DGKB: variants seen among roughly 807,000 people sequenced by gnomAD.
DGKB encodes the protein diacylglycerol kinase beta, also known as 90 kDa diacylglycerol kinase.
In DGKB, 67 loss-of-function variants were observed where a neutral mutation model predicts 114.3. The ratio of observed to expected loss-of-function variants is 0.59; its 90% confidence interval spans 0.48 to 0.72. DGKB has a LOEUF of 0.72. DGKB is among the 30% of genes least tolerant of loss of function. The pLI is 0.00. For synonymous variants in DGKB, 398 were observed against 323.1 expected, an observed-to-expected ratio of 1.23 and a Z score of -2.49; for missense variants, 907 against 975.2, an observed-to-expected ratio of 0.93 and a Z score of 0.93.
At chr7:14,858,383 C>T (rs1850488584) in intron 1 of DGKB, among the ~76,000 whole-genome samples, 2 of 152,054 alleles carry the variant, frequency 1.3e-5, no homozygotes, top group Admixed American at 6.6e-5. Context: ...ATACTTTTCT[C>T]TTACTTATTT....
chr7:14,934,244 T>A (rs999948998), intron 1 of DGKB, among the ~76,000 whole-genome samples: 2 of 152,186 alleles, frequency 1.3e-5, no homozygotes, highest in African/African-American at 2.4e-5. Context: ...TTCACTAATA[T>A]CCAAAATTAC....
intron 23 of DGKB, among the ~76,000 whole-genome samples, chr7:14,193,034 T>A (rs557888454): frequency 6.6e-6 from 1 of 152,196 alleles, no homozygotes; most frequent in East Asian, 1.9e-4. Flanking sequence ...ATGCGAGTGA[T>A]GGGGAGCAGC....
At chr7:14,566,567 C>G (rs112764890) in intron 20 of DGKB, among the ~76,000 whole-genome samples, 5 of 152,120 alleles carry the variant, frequency 3.3e-5, no homozygotes, top group African/African-American at 4.8e-5. Context: ...GCAAATGGAT[C>G]GGGTTACCTC....
chr7:14,838,121 C>T (rs903897484), intron 2 of DGKB, among the ~76,000 whole-genome samples: 1 of 152,058 alleles, frequency 6.6e-6, no homozygotes, highest in Admixed American at 6.6e-5. Flanking sequence ...TTTATTACCA[C>T]TTGTTTTAGG....
In DGKB at chr7:14,327,308, A is replaced by G. The variant is rs538003015; in HGVS notation, c.2122+11207T>C. On this transcript the variant is annotated intron_variant, in intron 23 of 25. Transcript: ENST00000402815. ...AGAAGACAAACAGCAGAAATGAGAA[A>G]CAAAAAAAAGCAAACAGAAATTTAA... 2.0e-5 allele frequency among the ~76,000 whole-genome samples: 3 copies of G among 152,288 alleles called. No individual in the cohort carries two copies. In the East Asian group the frequency reaches 5.8e-4, roughly 29 times the overall value.
intron 20 of DGKB, among the ~76,000 whole-genome samples, chr7:14,553,865 CTTTT>C (rs58879064): frequency 1.4e-5 from 1 of 71,224 alleles, no homozygotes. Context: ...CCTTTACATG[CTTTT>C]TTTTTTTTTT....
chr7:14,912,213 A>C (rs1460670719), intron 1 of DGKB, among the ~76,000 whole-genome samples: 1 of 152,218 alleles, frequency 6.6e-6, no homozygotes, highest in Non-Finnish European at 1.5e-5. Flanking sequence ...GATAAATTCC[A>C]CAAGAAACAT....
intron 21 of DGKB, among the ~76,000 whole-genome samples, chr7:14,450,284 T>A (rs1357232755): frequency 1.3e-5 from 2 of 152,144 alleles, no homozygotes; most frequent in African/African-American, 4.8e-5. Flanking sequence ...GTCCAGGTAA[T>A]AATCTAAAGA....
chr7:14,549,089 C>G (rs199940954), intron 20 of DGKB, among the ~76,000 whole-genome samples: 1 of 151,636 alleles, frequency 6.6e-6, no homozygotes, highest in East Asian at 2.0e-4. Context: ...TAGAAAATCT[C>G]TTGAAAGTGA....
At chr7:14,307,808 A>C (rs1804736939) in intron 23 of DGKB, among the ~76,000 whole-genome samples, 1 of 152,170 alleles carries the variant, frequency 6.6e-6, no homozygotes, top group Admixed American at 6.6e-5. Context: ...TGTCTTAGTC[A>C]AAATCTCATA....
intron 23 of DGKB, among the ~76,000 whole-genome samples, chr7:14,284,464 G>C (rs1800502870): frequency 6.9e-6 from 1 of 145,258 alleles, no homozygotes; most frequent in Non-Finnish European, 1.5e-5. Flanking sequence ...GATTCCTCAG[G>C]GATCTAGAAC....
At chr7:14,226,768 A>T (rs1217218850) in intron 23 of DGKB, among the ~76,000 whole-genome samples, 1 of 152,096 alleles carries the variant, frequency 6.6e-6, no homozygotes, top group Admixed American at 6.6e-5. Flanking sequence ...GAAATGAATC[A>T]ATTATATAAC....
chr7:14,557,733 A>T (rs1434636265), intron 20 of DGKB, among the ~76,000 whole-genome samples: 1 of 151,888 alleles, frequency 6.6e-6, no homozygotes. Context: ...CTAAAAAAAA[A>T]TTTAAATGAT....
At chr7:14,597,976 G>A (rs150651517) in intron 17 of DGKB, among the ~76,000 whole-genome samples, 47 of 152,142 alleles carry the variant, frequency 3.1e-4, no homozygotes, top group African/African-American at 1.1e-3. Flanking sequence ...ATTCATTACT[G>A]TATTAGAAAT....
chr7:14,648,448 G>A (rs142317112), intron 13 of DGKB, among the ~76,000 whole-genome samples: 4,761 of 152,118 alleles, frequency 0.031, 269 homozygotes, highest in African/African-American at 0.11. Flanking sequence ...TCTGTTAGAC[G>A]GAAAACTAAC....
intron 21 of DGKB, among the ~76,000 whole-genome samples, chr7:14,417,061 T>TAGGCC (rs1372153231): frequency 6.6e-6 from 1 of 152,090 alleles, no homozygotes; most frequent in Admixed American, 6.6e-5. Flanking sequence ...TGGAAAGAAC[T>TAGGCC]AGGACCATAG....
At chr7:14,724,812 C>T (rs897625726) in intron 5 of DGKB, among the ~76,000 whole-genome samples, 6 of 152,162 alleles carry the variant, frequency 3.9e-5, no homozygotes, top group African/African-American at 1.2e-4. Flanking sequence ...CATCTCATTC[C>T]AAACTTTGGA....
intron 20 of DGKB, among the ~76,000 whole-genome samples, chr7:14,510,526 T>G (rs993031818): frequency 8.5e-5 from 13 of 152,178 alleles, no homozygotes; most frequent in African/African-American, 3.1e-4. Context: ...CTACCACGTA[T>G]GCAGTTACTT....
chr7:14,757,345 T>C (rs1835027648), intron 3 of DGKB, among the ~76,000 whole-genome samples: 1 of 152,078 alleles, frequency 6.6e-6, no homozygotes, highest in Non-Finnish European at 1.5e-5. Context: ...TCATATTCTT[T>C]CAAGCATACA....
Sources: allele counts gnomAD v4.1 joint callset (sites outside exome capture counted in the v4.1 genomes callset), GRCh38; gene constraint gnomAD v4.1.1; transcripts MANE v1.5; gene names NCBI Gene and HGNC (gene_info 2026-07-23, HGNC 2026-07-21).